Variants in KCNQ1OT1 observed in about 807,000 individuals in gnomAD.
KCNQ1OT1 encodes the protein KCNQ1 antisense RNA 2 (non-protein coding).
In KCNQ1OT1 at chr11:2,610,294, CT is replaced by C. The variant is rs1298333564; in HGVS notation, n.89700del. 2.5e-5 allele frequency: 10 copies of C among 397,808 alleles called. No homozygotes were observed. The East Asian group carries it at 3.2e-4, about 13-fold the overall frequency. 24.6% of individuals were successfully genotyped at this position (397,808 alleles called of 1,614,324 possible). A position where few individuals can be genotyped will look rare whatever the true frequency, so the allele number is the denominator to read the frequency against. The stretch of plus-strand genomic sequence containing the variant: ...TGTATGAGTTTATTCAGTTTTACCA[CT>C]TTTTGTGGTATTGTTACATATATTA... On this transcript the variant is annotated non_coding_transcript_exon_variant, in exon 1 of 1. Coordinates refer to ENST00000597346, the Ensembl canonical transcript of KCNQ1OT1.
At position 2,663,377 on chromosome 11, in the gene KCNQ1OT1, C is replaced by G. The variant is rs1850004907; in HGVS notation, n.36618G>C. On this transcript the variant is annotated non_coding_transcript_exon_variant, in exon 1 of 1. Transcript: ENST00000597346. The surrounding 1 kb of genome is among the most constrained non-coding windows in gnomAD (Gnocchi z 5.2). ...GATGGGCTGCCCAGGTACAGGTCAG[C>G]ACCAGAAGGCAGAATGATGGCTTAC... 1 of 398,710 alleles carries G rather than the reference C, an allele frequency of 2.5e-6. No individual in the cohort carries two copies. 24.7% of individuals were successfully genotyped at this position (398,710 alleles called of 1,614,324 possible). A position where few individuals can be genotyped will look rare whatever the true frequency, so the allele number is the denominator to read the frequency against.
At chr11:2,685,830 C>A (rs1381563274) in exon 1 of KCNQ1OT1, 1 of 398,762 alleles carries the variant, frequency 2.5e-6, no homozygotes, top group Non-Finnish European at 4.4e-6. Context: ...TAGAACGAGG[C>A]TGTTTCCCAG....
exon 1 of KCNQ1OT1, chr11:2,632,649 T>C (rs915855573): frequency 5.0e-5 from 20 of 398,298 alleles, no homozygotes; most frequent in African/African-American, 3.5e-4. Flanking sequence ...AACTCAAATA[T>C]CATTTCTCTG....
exon 1 of KCNQ1OT1, chr11:2,672,936 C>T (rs1850213192): frequency 2.5e-6 from 1 of 398,636 alleles, no homozygotes; most frequent in African/African-American, 2.1e-5. Flanking sequence ...AGGCCCACCA[C>T]AGGTGGCAAG....
In KCNQ1OT1 at chr11:2,621,267, C is replaced by A; in HGVS notation, n.78728G>T. 1 of 398,372 alleles carries A rather than the reference C, an allele frequency of 2.5e-6. No individual in the cohort carries two copies. Among genetic ancestry groups the A allele is most frequent in the South Asian group, 1.3e-4 (1 of 7,750 alleles). 24.7% of individuals were successfully genotyped at this position (398,372 alleles called of 1,614,324 possible). On this transcript the variant is annotated non_coding_transcript_exon_variant, in exon 1 of 1. Coordinates refer to ENST00000597346, the Ensembl canonical transcript of KCNQ1OT1. The surrounding 1 kb of genome is among the most constrained non-coding windows in gnomAD (Gnocchi z 5.7). ...TGCTAGGACTACAGGCATGAGCCAC[C>A]GTGCCTGGCCTCATTATTTGCATTT... is the stretch of plus-strand genomic sequence containing the variant.
At chr11:2,660,690 A>G (rs1163321256) in exon 1 of KCNQ1OT1, 1 of 398,498 alleles carries the variant, frequency 2.5e-6, no homozygotes, top group Non-Finnish European at 4.4e-6. Flanking sequence ...GTCCCTGCAA[A>G]AGGTGCTGAC....
In KCNQ1OT1 at chr11:2,666,305, C is replaced by T. The variant is rs1306760580; in HGVS notation, n.33690G>A. ...GGGTGGAAAGAAGGCAGAGGGAAAG[C>T]TGCAGAGACCCCCACCAGGTGACTG... On this transcript the variant is annotated non_coding_transcript_exon_variant, in exon 1 of 1. Transcript: ENST00000597346. The T allele has an allele frequency of 2.3e-5, 9 of 398,580 alleles. No individual in the cohort carries two copies. In the Admixed American group the frequency reaches 3.5e-4, roughly 16 times the overall value. The allele number at this position is 398,580 out of a possible 1,614,324, so 24.7% of individuals were successfully genotyped here. A position where few individuals can be genotyped will look rare whatever the true frequency, so the allele number is the denominator to read the frequency against.
rs1848924235 is a variant in KCNQ1OT1 at position 2,608,726 on chromosome 11, C to T, written n.91269G>A. On this transcript the variant is annotated non_coding_transcript_exon_variant, in exon 1 of 1. Coordinates refer to ENST00000597346, the Ensembl canonical transcript of KCNQ1OT1. This position sits in a 1 kb window ranked among gnomAD's most constrained non-coding sequence, Gnocchi z 4.6. ...CAATTCTCGAACTCCTGGCCACAAG[C>T]AATTCTCCTGCCTTGGCCTCCCAAA... The T allele has an allele frequency of 2.5e-6, 1 of 396,692 alleles. No homozygotes were observed. The highest frequency in any genetic ancestry group is 4.4e-5 in the Admixed American group (1 of 22,634). The allele number at this position is 396,692 out of a possible 1,614,324, so 24.6% of individuals were successfully genotyped here.
chr11:2,638,452 A>G (rs557734331), exon 1 of KCNQ1OT1: 53 of 152,304 alleles, frequency 3.5e-4, no homozygotes, highest in African/African-American at 1.1e-3. Flanking sequence ...TTGGCTGGAT[A>G]TGAAATTCTG....
chr11:2,647,474 G>A lies in KCNQ1OT1; in HGVS notation n.52521C>T, dbSNP rs150984781. ...TAGTTTTCTTTTTTGCTGTTATTGT[G>A]TCCTTATCTGGTTTTGGTATCAAGA... On this transcript the variant is annotated non_coding_transcript_exon_variant, in exon 1 of 1. Transcript: ENST00000597346. This position sits in a 1 kb window ranked among gnomAD's most constrained non-coding sequence, Gnocchi z 4.0. 7.5e-6 allele frequency: 3 copies of A among 398,500 alleles called. No homozygotes were observed. The highest frequency in any genetic ancestry group is 6.2e-5 in the African/African-American group (3 of 48,744). 24.7% of individuals were successfully genotyped at this position (398,500 alleles called of 1,614,324 possible). A position where few individuals can be genotyped will look rare whatever the true frequency, so the allele number is the denominator to read the frequency against.
chr11:2,677,577 A>G lies in KCNQ1OT1; in HGVS notation n.22418T>C, dbSNP rs1298492312. On this transcript the variant is annotated non_coding_transcript_exon_variant, in exon 1 of 1. Coordinates refer to ENST00000597346, the Ensembl canonical transcript of KCNQ1OT1. The surrounding 1 kb of genome is among the most constrained non-coding windows in gnomAD (Gnocchi z 4.5). ...AGATGTTACCATATAATGCTTTACA[A>G]AAGACAAACCAAAATCCCCTCTGGA... 1.3e-5 allele frequency: 5 copies of G among 398,536 alleles called. No individual in the cohort carries two copies. Among genetic ancestry groups the G allele is most frequent in the Non-Finnish European group, 2.2e-5 (5 of 226,074 alleles). The allele number at this position is 398,536 out of a possible 1,614,324, so 24.7% of individuals were successfully genotyped here. A position where few individuals can be genotyped will look rare whatever the true frequency, so the allele number is the denominator to read the frequency against.
rs184114618 is a variant in KCNQ1OT1 at position 2,663,688 on chromosome 11, C to T, written n.36307G>A. The T allele has an allele frequency of 2.5e-6, 1 of 398,712 alleles. No individual in the cohort carries two copies. The highest frequency in any genetic ancestry group is 3.6e-5 in the East Asian group (1 of 28,084). 24.7% of individuals were successfully genotyped at this position (398,712 alleles called of 1,614,324 possible). A position where few individuals can be genotyped will look rare whatever the true frequency, so the allele number is the denominator to read the frequency against. On this transcript the variant is annotated non_coding_transcript_exon_variant, in exon 1 of 1. Transcript: ENST00000597346. The surrounding 1 kb of genome is among the most constrained non-coding windows in gnomAD (Gnocchi z 5.2). The stretch of plus-strand genomic sequence containing the variant: ...ACCCACAGTCCATCTAGCTGGGCAG[C>T]CAGGCCTTACCAACTCTTGGGTCTT...
chr11:2,636,324 T>C (rs1849464131), exon 1 of KCNQ1OT1: 1 of 152,110 alleles, frequency 6.6e-6, no homozygotes, highest in Non-Finnish European at 1.5e-5. Context: ...TGTGGGTTTG[T>C]CATAAATAGC....
At chr11:2,694,652 C>T (rs556273344) in exon 1 of KCNQ1OT1, 227 of 398,624 alleles carry the variant, frequency 5.7e-4, no homozygotes, top group Middle Eastern at 2.5e-3. Context: ...CTGTGACACA[C>T]CCACCATGTG....
chr11:2,646,244 G>C, exon 1 of KCNQ1OT1: 1 of 398,630 alleles, frequency 2.5e-6, no homozygotes, highest in Non-Finnish European at 4.4e-6. Context: ...CCATCTTGAA[G>C]CCCCTGCTGA....
chr11:2,662,062 C>G, exon 1 of KCNQ1OT1: 1 of 1,614,224 alleles, frequency 6.2e-7, no homozygotes, highest in South Asian at 1.1e-5. Context: ...TCTGCTGACA[C>G]CCATCACCCA....
exon 1 of KCNQ1OT1, chr11:2,609,569 GTTT>G (rs1848942689): frequency 2.5e-6 from 1 of 398,178 alleles, no homozygotes; most frequent in East Asian, 3.6e-5. Context: ...CATATCTTCT[GTTT>G]CCTTATTGAT....
rs1338489672 is a variant in KCNQ1OT1, at chr11:2,611,288, T to G, written n.88707A>C. On this transcript the variant is annotated non_coding_transcript_exon_variant, in exon 1 of 1. Coordinates refer to ENST00000597346, the Ensembl canonical transcript of KCNQ1OT1. The surrounding 1 kb of genome is among the most constrained non-coding windows in gnomAD (Gnocchi z 5.3). ...AGGCTGGAGTGCAGTGGCGTGACCT[T>G]GGCTCACTGCAACCTCTGCCTCCCG... is the stretch of plus-strand genomic sequence containing the variant. The G allele has an allele frequency of 2.5e-6, 1 of 397,100 alleles. No individual in the cohort carries two copies. Among genetic ancestry groups the G allele is most frequent in the African/African-American group, 2.1e-5 (1 of 48,560 alleles). 24.6% of individuals were successfully genotyped at this position (397,100 alleles called of 1,614,324 possible). A position where few individuals can be genotyped will look rare whatever the true frequency, so the allele number is the denominator to read the frequency against.
At chr11:2,667,498 C>G in exon 1 of KCNQ1OT1, 1 of 396,218 alleles carries the variant, frequency 2.5e-6, no homozygotes, top group Non-Finnish European at 4.4e-6. Context: ...ACATTCACGC[C>G]ACAGAGGTGG....
Sources: allele counts gnomAD v4.1 joint callset, GRCh38; gene constraint gnomAD v4.1.1; non-coding constraint Gnocchi (gnomAD v3.1); transcripts MANE v1.5; gene names NCBI Gene and HGNC (gene_info 2026-07-23, HGNC 2026-07-21).